ABAT: variants seen among roughly 807,000 people sequenced by gnomAD.
ABAT encodes 4-aminobutyrate aminotransferase, mitochondrial.
Under a neutral mutation model 64.6 loss-of-function variants are expected in ABAT, and 45 were observed. The ratio of observed to expected loss-of-function variants is 0.70; its 90% CI spans 0.55 to 0.89. The LOEUF (loss-of-function observed/expected upper bound fraction) is 0.89, where lower values mean the gene tolerates loss of function less well. ABAT is among the 40% of genes least tolerant of loss of function. ABAT has a pLI of 0.00. For missense variants in ABAT, 633 were observed against 658.4 expected (o/e 0.96, Z 0.42); for synonymous variants, 297 against 250.5 (o/e 1.19, Z -1.75).
At chr16:8,700,003 T>C (rs1216014482) in intron 1 of ABAT, among the ~76,000 whole-genome samples, 1 of 152,046 alleles carries the variant, frequency 6.6e-6, no homozygotes, top group Non-Finnish European at 1.5e-5. Flanking sequence ...GTAATTTTTG[T>C]AGAGACTGAG....
intron 1 of ABAT, among the ~76,000 whole-genome samples, chr16:8,679,326 T>A (rs560339242): frequency 6.6e-6 from 1 of 152,238 alleles, no homozygotes; most frequent in African/African-American, 2.4e-5. Flanking sequence ...AATCTGAGGC[T>A]CATCTCAGCA....
At chr16:8,718,348 C>A (rs930549916) in intron 1 of ABAT, among the ~76,000 whole-genome samples, 3 of 152,154 alleles carry the variant, frequency 2.0e-5, no homozygotes, top group South Asian at 4.2e-4. Flanking sequence ...AGCAGATGTA[C>A]AATTTATCTG....
chr16:8,769,872 A>T (rs761467153), intron 11 of ABAT, among the ~76,000 whole-genome samples: 1 of 152,176 alleles, frequency 6.6e-6, no homozygotes, highest in Non-Finnish European at 1.5e-5. Flanking sequence ...TTTGAACTCA[A>T]ATAAGGCTGC....
chr16:8,769,557 CAAA>C (rs35002036), intron 11 of ABAT, among the ~76,000 whole-genome samples: 74 of 86,754 alleles, frequency 8.5e-4, no homozygotes, highest in African/African-American at 2.7e-3. Flanking sequence ...AGACTCTGTC[CAAA>C]AAAAAAAAAA....
chr16:8,689,610 T>A (rs566190500), intron 1 of ABAT, among the ~76,000 whole-genome samples: 29 of 152,340 alleles, frequency 1.9e-4, no homozygotes, highest in African/African-American at 5.3e-4. Context: ...AACATATGAA[T>A]GTGATGGGGC....
chr16:8,678,372 T>G (rs2057253413), intron 1 of ABAT, among the ~76,000 whole-genome samples: 1 of 152,172 alleles, frequency 6.6e-6, no homozygotes, highest in Admixed American at 6.6e-5. Context: ...GTTACAGGAA[T>G]AAGCCACAGC....
chr16:8,676,484 T>A (rs946686580), intron 1 of ABAT, among the ~76,000 whole-genome samples: 4 of 152,080 alleles, frequency 2.6e-5, no homozygotes, highest in Non-Finnish European at 5.9e-5. Context: ...GCAAAGGTCA[T>A]GAAGCCAGGA....
intron 11 of ABAT, 44 bp from the exon 12 acceptor site, chr16:8,772,736 A>G: frequency 6.2e-7 from 1 of 1,613,776 alleles, no homozygotes; most frequent in Non-Finnish European, 8.5e-7. Flanking sequence ...GATACTGGTC[A>G]CAAGCCTCTG....
chr16:8,754,179 T>TAAAAATAAA (rs2059573206), intron 5 of ABAT, among the ~76,000 whole-genome samples: 1 of 63,822 alleles, frequency 1.6e-5, no homozygotes, highest in Non-Finnish European at 2.9e-5. Flanking sequence ...ACCCTGTCTA[T>TAAAAATAAA]AAAAAAAAAA....
chr16:8,737,991 G>GGAAGGAAGGAAGGAAGAAAGAAAGAAA lies in ABAT; in HGVS notation c.70+2185_70+2186insGGAAGGAAGGAAGAAAGAAAGAAAGAA, dbSNP rs1567295685. On this transcript the variant is annotated intron_variant, in intron 2 of 15. Transcript: ENST00000268251. ...AAGGAAGGAAGGAAGGAAGGAAGGAGGAAAGAAAGAAAGAAAGAAAGAAAG... is the reference window on the plus strand; with the variant it reads ...AAGGAAGGAAGGAAGGAAGGAAGGAGGAAGGAAGGAAGGAAGAAAGAAAGAAAGAAAGAAAGAAAGAAAGAAAGAAAG... 1.5e-3 allele frequency among the ~76,000 whole-genome samples: 23 copies of GGAAGGAAGGAAGGAAGAAAGAAAGAAA among 14,956 alleles called. 3 individuals carry two copies. Among genetic ancestry groups the GGAAGGAAGGAAGGAAGAAAGAAAGAAA allele is most frequent in the Admixed American group, 6.5e-3 (7 of 1,070 alleles). The allele number at this position is 14,956 out of a possible 152,430, so 9.8% of individuals were successfully genotyped here.
At chr16:8,748,386 G>A (rs533233848) in intron 4 of ABAT, among the ~76,000 whole-genome samples, 4 of 152,044 alleles carry the variant, frequency 2.6e-5, no homozygotes, top group Admixed American at 6.6e-5. Flanking sequence ...ATTCCATTAT[G>A]GTTGGAAACA....
In ABAT at chr16:8,776,640, A is replaced by G. The variant is rs558438954; in HGVS notation, c.1269+150A>G. The stretch of plus-strand genomic sequence containing the variant: ...CTGCTCCTAGCCTTGGGGGCTTTGC[A>G]CATGCTGTGTCCTCTGCAGGGGATG... On this transcript the variant is annotated intron_variant, in intron 14 of 15. Coordinates refer to ENST00000268251, the MANE Select transcript of ABAT (RefSeq NM_020686.6). This position sits in a 1 kb window ranked among gnomAD's most constrained non-coding sequence, Gnocchi z 4.4. 101 of 835,302 alleles carry G rather than the reference A, an allele frequency of 1.2e-4. No individual in the cohort carries two copies. The African/African-American group carries it at 1.5e-3, about 12-fold the overall frequency. 51.7% of individuals were successfully genotyped at this position (835,302 alleles called of 1,614,324 possible).
At chr16:8,720,555 G>A (rs1367498050) in intron 1 of ABAT, among the ~76,000 whole-genome samples, 4 of 152,210 alleles carry the variant, frequency 2.6e-5, no homozygotes, top group Admixed American at 6.5e-5. Flanking sequence ...AGCTGAAGTC[G>A]GAGGAGAAAA....
intron 1 of ABAT, among the ~76,000 whole-genome samples, chr16:8,723,740 A>C (rs894796494): frequency 6.8e-6 from 1 of 147,666 alleles, no homozygotes; most frequent in Non-Finnish European, 1.5e-5. Flanking sequence ...TGAGGCTCAG[A>C]GCATTTTTGT....
intron 14 of ABAT, among the ~76,000 whole-genome samples, chr16:8,778,649 G>C (rs2060338015): frequency 6.6e-6 from 1 of 152,112 alleles, no homozygotes; most frequent in East Asian, 1.9e-4. Context: ...GTGATGGCAG[G>C]TGCCTGTAAT....
At chr16:8,751,416 G>T (rs1014762066) in intron 5 of ABAT, among the ~76,000 whole-genome samples, 3 of 152,068 alleles carry the variant, frequency 2.0e-5, no homozygotes, top group Non-Finnish European at 4.4e-5. Context: ...GCAGGTTATT[G>T]ATTGAGGGAG....
intron 12 of ABAT, 81 bp from the exon 13 acceptor site, chr16:8,774,809 G>A (rs41312252): frequency 0.019 from 29,847 of 1,557,646 alleles, 384 homozygotes; most frequent in Non-Finnish European, 0.021. Context: ...CCAGGGTTTG[G>A]CAGTTAGCTG....
At chr16:8,688,847 G>T (rs147996131) in intron 1 of ABAT, among the ~76,000 whole-genome samples, 3,637 of 152,288 alleles carry the variant, frequency 0.024, 144 homozygotes, top group African/African-American at 0.083. Context: ...GGAGGCCAAG[G>T]CAGGTGGATC....
chr16:8,770,944 C>G (rs546395902), intron 11 of ABAT, among the ~76,000 whole-genome samples: 28 of 152,138 alleles, frequency 1.8e-4, no homozygotes, highest in African/African-American at 6.3e-4. Flanking sequence ...TAGTCCTTTT[C>G]TTCGTATTCA....
Sources: gnomAD v4.1 joint callset for allele counts (sites outside exome capture counted in the v4.1 genomes callset) on GRCh38, gnomAD v4.1.1 for gene constraint, Gnocchi (gnomAD v3.1) non-coding constraint, MANE v1.5 for transcripts, NCBI Gene and HGNC (gene_info 2026-07-23, HGNC 2026-07-21) for gene names.